Variants in NRG1 observed in about 807,000 individuals in gnomAD.
NRG1 encodes neuregulin 1, also known as pro-neuregulin-1, membrane-bound isoform.
Under a neutral mutation model 63.8 loss-of-function variants are expected in NRG1, and 18 were observed. That is an observed-to-expected ratio of 0.28 (90% CI 0.19 to 0.42). The LOEUF (loss-of-function observed/expected upper bound fraction) is 0.42, where lower values mean the gene tolerates loss of function less well. Among genes scored for constraint, NRG1 ranks in the 10% least tolerant of loss-of-function variants. NRG1 has a pLI of 1.00. For synonymous variants in NRG1, 302 were observed against 301.3 expected (o/e 1.00, Z -0.02); for missense variants, 762 against 814.7 (o/e 0.94, Z 0.79).
intron 1 of NRG1, among the ~76,000 whole-genome samples, chr8:32,304,539 G>C (rs1273871391): frequency 2.0e-5 from 3 of 152,012 alleles, no homozygotes; most frequent in African/African-American, 7.2e-5. Flanking sequence ...CCTAAAGACA[G>C]TTTATTTGAT....
intron 1 of NRG1, among the ~76,000 whole-genome samples, chr8:32,557,834 A>G (rs2129526236): frequency 6.6e-6 from 1 of 152,232 alleles, no homozygotes; most frequent in African/African-American, 2.4e-5. Context: ...GAAATACATG[A>G]TTTTCCATAT....
intron 1 of NRG1, among the ~76,000 whole-genome samples, chr8:32,288,659 A>G (rs1277224800): frequency 6.6e-6 from 1 of 152,142 alleles, no homozygotes; most frequent in Non-Finnish European, 1.5e-5. Context: ...TGACTTTGCC[A>G]TACTGTCACC....
At chr8:31,931,153 A>G (rs1834826812) in intron 1 of NRG1, among the ~76,000 whole-genome samples, 1 of 152,160 alleles carries the variant, frequency 6.6e-6, no homozygotes, top group African/African-American at 2.4e-5. Context: ...GTGATGGGCT[A>G]CTATTGCTTT....
intron 5 of NRG1, chr8:32,721,784 C>A: frequency 1.6e-6 from 2 of 1,232,160 alleles, no homozygotes; most frequent in Non-Finnish European, 2.1e-6. Flanking sequence ...ACTAATGACT[C>A]CACCTATCAT....
At chr8:32,017,619 CTT>C (rs1350403673) in intron 1 of NRG1, among the ~76,000 whole-genome samples, 1 of 152,194 alleles carries the variant, frequency 6.6e-6, no homozygotes, top group Non-Finnish European at 1.5e-5. Context: ...CCCATGACCC[CTT>C]CCTTGTGTTC....
At chr8:31,697,148 A>C (rs1810152425) in intron 1 of NRG1, among the ~76,000 whole-genome samples, 1 of 152,176 alleles carries the variant, frequency 6.6e-6, no homozygotes, top group African/African-American at 2.4e-5. Flanking sequence ...CATTCATCCA[A>C]AATTTAAGGT....
intron 1 of NRG1, among the ~76,000 whole-genome samples, chr8:32,333,655 A>C (rs1020536852): frequency 1.3e-5 from 2 of 152,232 alleles, no homozygotes; most frequent in Admixed American, 6.5e-5. Flanking sequence ...ATTGTCTTTT[A>C]CATTTTAACT....
chr8:31,964,940 C>T (rs1340712412), intron 1 of NRG1, among the ~76,000 whole-genome samples: 1 of 152,144 alleles, frequency 6.6e-6, no homozygotes, highest in Non-Finnish European at 1.5e-5. Context: ...CTTTATGACA[C>T]ATTTGAATAA....
chr8:32,255,931 T>G (rs1849653095), intron 1 of NRG1, among the ~76,000 whole-genome samples: 1 of 152,212 alleles, frequency 6.6e-6, no homozygotes. Flanking sequence ...TTCTCTAATC[T>G]CGTCTTCATG....
intron 1 of NRG1, among the ~76,000 whole-genome samples, chr8:32,187,562 T>C (rs1842082202): frequency 6.6e-6 from 1 of 152,196 alleles, no homozygotes; most frequent in African/African-American, 2.4e-5. Flanking sequence ...GTTTGCTTCC[T>C]GCACAAGGAG....
intron 1 of NRG1, among the ~76,000 whole-genome samples, chr8:31,932,787 C>T (rs1282710678): frequency 6.6e-6 from 1 of 152,158 alleles, no homozygotes; most frequent in African/African-American, 2.4e-5. Context: ...TTCTGAAAAT[C>T]AGAGTGCTGA....
intron 1 of NRG1, among the ~76,000 whole-genome samples, chr8:32,382,921 G>C (rs1810526279): frequency 6.6e-6 from 1 of 151,944 alleles, no homozygotes; most frequent in Non-Finnish European, 1.5e-5. Context: ...AAAATAATAT[G>C]AAAACTTGAG....
intron 1 of NRG1, among the ~76,000 whole-genome samples, chr8:32,357,843 A>G (rs1587032574): frequency 6.6e-6 from 1 of 152,232 alleles, no homozygotes; most frequent in African/African-American, 2.4e-5. Flanking sequence ...TCAAACAATT[A>G]AAGAGATACT....
At chr8:31,816,222 G>T (rs1823426856) in intron 1 of NRG1, among the ~76,000 whole-genome samples, 1 of 152,116 alleles carries the variant, frequency 6.6e-6, no homozygotes. Flanking sequence ...TCACACATGA[G>T]CACCTCAACT....
chr8:32,767,799 A>G (rs1831545040), exon 12 of NRG1: 1 of 152,172 alleles, frequency 6.6e-6, no homozygotes, highest in Non-Finnish European at 1.5e-5. Flanking sequence ...TGTATATGTA[A>G]CTGAAACTAT....
chr8:32,047,074 T>C (rs1172120877), intron 1 of NRG1, among the ~76,000 whole-genome samples: 1 of 152,058 alleles, frequency 6.6e-6, no homozygotes, highest in Non-Finnish European at 1.5e-5. Context: ...GTTGTGAATC[T>C]GTTCTCAGTG....
chr8:32,290,341 T>TTA (rs1335521677), intron 1 of NRG1, among the ~76,000 whole-genome samples: 6 of 151,680 alleles, frequency 4.0e-5, no homozygotes, highest in Admixed American at 6.6e-5. Context: ...ATGTATACAA[T>TTA]TATATATATA....
chr8:31,872,072 T>C (rs2129611687), intron 1 of NRG1, among the ~76,000 whole-genome samples: 1 of 152,340 alleles, frequency 6.6e-6, no homozygotes, highest in South Asian at 2.1e-4. Context: ...CTTAAAGGCC[T>C]GTATGCATGT....
chr8:31,839,924 C>A (rs1339708560), intron 1 of NRG1, among the ~76,000 whole-genome samples: 4 of 152,040 alleles, frequency 2.6e-5, no homozygotes, highest in Non-Finnish European at 5.9e-5. Context: ...GGAAAAGGAA[C>A]CAGACAGCTG....
Sources: gnomAD v4.1 joint callset for allele counts (sites outside exome capture counted in the v4.1 genomes callset) on GRCh38, gnomAD v4.1.1 for gene constraint, MANE v1.5 for transcripts, NCBI Gene and HGNC (gene_info 2026-07-23, HGNC 2026-07-21) for gene names.